Variants in ABCA4 observed in about 807,000 individuals in gnomAD.
The protein encoded by ABCA4 is retinal-specific phospholipid-transporting ATPase ABCA4.
ABCA4 carries 196 observed loss-of-function variants against 263.7 expected under a neutral mutation model. The observed-to-expected ratio is 0.74, with a 90% CI of 0.66 to 0.84. The LOEUF is 0.84. Ranked by LOEUF, ABCA4 falls within the 40% of genes least tolerant of loss-of-function variation. The pLI is 0.00. For synonymous variants in ABCA4, 1,133 were observed against 1,094.2 expected (o/e 1.04, Z -0.70); for missense variants, 2,792 against 2,855.1 (o/e 0.98, Z 0.50).
intron 11 of ABCA4, among the ~76,000 whole-genome samples, chr1:94,075,770 C>T (rs545740381): frequency 2.6e-5 from 4 of 152,194 alleles, no homozygotes; most frequent in Admixed American, 2.6e-4. Context: ...AGTGGTCCAC[C>T]CTTAGATGGA....
chr1:94,089,981 A>G (rs1326853075), intron 6 of ABCA4, among the ~76,000 whole-genome samples: 1 of 152,172 alleles, frequency 6.6e-6, no homozygotes, highest in Non-Finnish European at 1.5e-5. Flanking sequence ...CAAGGTAGGA[A>G]TCTAACCTGG....
intron 24 of ABCA4, 91 bp from the exon 25 acceptor site, chr1:94,037,441 C>T (rs1236958252): frequency 8.6e-7 from 1 of 1,164,650 alleles, no homozygotes; most frequent in African/African-American, 1.5e-5. Flanking sequence ...TCTCCACTTC[C>T]CCTTTGAAGA....
intron 18 of ABCA4, among the ~76,000 whole-genome samples, 172 bp from the exon 19 acceptor site, chr1:94,047,265 G>A (rs906449435): frequency 2.0e-5 from 3 of 152,128 alleles, no homozygotes; most frequent in African/African-American, 7.2e-5. Flanking sequence ...AGCATCAAAC[G>A]TTTATACAGC....
chr1:94,020,948 A>G (rs1659878392), intron 35 of ABCA4, among the ~76,000 whole-genome samples: 1 of 152,248 alleles, frequency 6.6e-6, no homozygotes, highest in African/African-American at 2.4e-5. Flanking sequence ...CTTTGCACAT[A>G]GCAAAGATAA....
chr1:94,098,523 G>A (rs924288776), intron 6 of ABCA4, among the ~76,000 whole-genome samples: 1 of 152,184 alleles, frequency 6.6e-6, no homozygotes, highest in Non-Finnish European at 1.5e-5. Context: ...CACTCTGTTA[G>A]AGGAGGTAAA....
At chr1:94,001,766 T>C in intron 45 of ABCA4, 92 bp downstream of exon 45, 1 of 1,586,368 alleles carries the variant, frequency 6.3e-7, no homozygotes, top group Non-Finnish European at 8.6e-7. Flanking sequence ...ACTGCTGCAG[T>C]TTCTAAATCT....
chr1:94,111,443 G>A lies in ABCA4; in HGVS notation c.297C>T (p.Asn99=). ...GTAGGGATCTCAACACTTACATGGA[G>A]TTGTTATAGTTTGACACAATTCCAG... The part of the protein sequence containing the change: ...ESPGIVSNYN[N]SILARVYRDF... Residue 99 remains asparagine (N), a synonymous_variant, in exon 3 of 50, where the codon AAC becomes AAT. Transcript: ENST00000370225. 6.2e-7 allele frequency: 1 copy of A among 1,614,020 alleles called. No homozygotes were observed. Among genetic ancestry groups the A allele is most frequent in the South Asian group, 1.1e-5 (1 of 91,004 alleles).
chr1:94,071,527 C>A (rs1051927973), intron 11 of ABCA4, among the ~76,000 whole-genome samples: 2 of 152,214 alleles, frequency 1.3e-5, no homozygotes, highest in Non-Finnish European at 1.5e-5. Context: ...CCAGATCCCC[C>A]ATTTAGCTGT....
intron 43 of ABCA4, among the ~76,000 whole-genome samples, chr1:94,006,200 G>T (rs748537404): frequency 2.3e-4 from 35 of 152,196 alleles, no homozygotes; most frequent in Middle Eastern, 3.4e-3. Flanking sequence ...TATAGCTTAG[G>T]GTCTATGAAT....
Position 94,032,046 on chromosome 1 carries a change from GT to G in ABCA4, c.3863-4del. On this transcript the variant is annotated splice_region_variant and splice_polypyrimidine_tract_variant and intron_variant, in intron 26 of 49. Transcript: ENST00000370225. ...TTCTCTTTTCTGCTGAGCGCCACCT[GT>G]TTTGAGAGATTGAATTAATAATTTG... The G allele has an allele frequency of 6.2e-7, 1 of 1,609,406 alleles. No homozygotes were observed.
At chr1:94,030,925 C>T (rs1660182434) in intron 28 of ABCA4, 71 bp downstream of exon 28, 1 of 1,602,214 alleles carries the variant, frequency 6.2e-7, no homozygotes, top group South Asian at 1.1e-5. Context: ...AAGGTCAGGG[C>T]CCTTCTAAGC....
At chr1:94,011,197 C>T (rs1344735300) in intron 39 of ABCA4, 65 bp downstream of exon 39, 2 of 1,612,234 alleles carry the variant, frequency 1.2e-6, no homozygotes, top group Non-Finnish European at 1.7e-6. Flanking sequence ...TGCAGGAGCC[C>T]CCCCGGTAAC....
At chr1:93,996,702 A>G (rs980288467) in intron 48 of ABCA4, among the ~76,000 whole-genome samples, 31 of 152,238 alleles carry the variant, frequency 2.0e-4, no homozygotes, top group African/African-American at 7.5e-4. Context: ...AAACATATAT[A>G]AAAACACAAA....
At chr1:94,083,499 AC>A (rs1350210919) in intron 6 of ABCA4, 58 bp from the exon 7 acceptor site, 21 of 1,315,340 alleles carry the variant, frequency 1.6e-5, no homozygotes, top group Non-Finnish European at 2.3e-5. Flanking sequence ...GTATATACAC[AC>A]ATAGGCACAG....
chr1:94,108,153 T>G (rs990700096), intron 4 of ABCA4, among the ~76,000 whole-genome samples: 5 of 152,238 alleles, frequency 3.3e-5, no homozygotes, highest in African/African-American at 1.2e-4. Flanking sequence ...ATACATGATC[T>G]CTGACCTCCC....
rs1553190612 is a variant in ABCA4 at position 94,042,917 on chromosome 1, CG to C, written c.3191-20del. 2.5e-6 allele frequency: 4 copies of C among 1,614,066 alleles called. No individual in the cohort carries two copies. ...ATGCCACCTGGAGGCACAAGAAGGA[CG>C]GGAGAGTTAAGGGGCTGTGGAGGGT... is the stretch of plus-strand genomic sequence containing the variant. On this transcript the variant is annotated intron_variant, in intron 21 of 49. Coordinates refer to ENST00000370225, the MANE Select transcript of ABCA4 (RefSeq NM_000350.3).
Position 94,040,090 on chromosome 1 carries a change from G to T in ABCA4, c.3560C>A (p.Thr1187Lys), listed in dbSNP as rs1266156413. The T allele has an allele frequency of 6.2e-7, 1 of 1,610,384 alleles. No homozygotes were observed. Among genetic ancestry groups the T allele is most frequent in the Non-Finnish European group, 8.5e-7 (1 of 1,178,264 alleles). Reference protein sequence around the residue: ...CSCSSKGFSTTCPAHVDDLTP... With the variant: ...CSCSSKGFSTKCPAHVDDLTP... Reference sequence around the variant, plus strand: ...TAGGTCATCGACGTGGGCTGGACACGTGGTGGAGAAACCCTTAGACGAGCA... The same window carrying T: ...TAGGTCATCGACGTGGGCTGGACACTTGGTGGAGAAACCCTTAGACGAGCA... The change falls in exon 24 of 50, where the codon ACG (threonine) becomes AAG (lysine). Residue 1187 changes from threonine to lysine, a missense_variant. By Grantham distance (78) the Thr-to-Lys change is moderately conservative (BLOSUM62 -1). Transcript: ENST00000370225.
rs1446695753 is a variant in ABCA4 at position 94,001,722 on chromosome 1, G to A, written c.6282+136C>T. 3.8e-6 allele frequency: 5 copies of A among 1,303,566 alleles called. No homozygotes were observed. In the African/African-American group the frequency reaches 5.9e-5, roughly 15 times the overall value. 80.7% of individuals were successfully genotyped at this position (1,303,566 alleles called of 1,614,324 possible). A position where few individuals can be genotyped will look rare whatever the true frequency, so the allele number is the denominator to read the frequency against. ...AAACACTGGGCTGATCGCTCAAAAT[G>A]AGCAACACAGGAAACAGTCCAGACT... On this transcript the variant is annotated intron_variant, in intron 45 of 49. Transcript: ENST00000370225.
intron 6 of ABCA4, among the ~76,000 whole-genome samples, chr1:94,083,690 A>G (rs1661762623): frequency 6.6e-6 from 1 of 152,220 alleles, no homozygotes; most frequent in African/African-American, 2.4e-5. Flanking sequence ...TATATTAAAT[A>G]CTATCACTAT....
Sources: gnomAD v4.1 joint callset for allele counts (sites outside exome capture counted in the v4.1 genomes callset) on GRCh38, gnomAD v4.1.1 for gene constraint, MANE v1.5 for transcripts, NCBI Gene and HGNC (gene_info 2026-07-23, HGNC 2026-07-21) for gene names.